The following BANK1 variants were observed in gnomAD, a reference collection of about 807,000 sequenced individuals.
The protein encoded by BANK1 is B cell scaffold protein with ankyrin repeats 1.
In BANK1, 95 loss-of-function variants were observed where a neutral mutation model predicts 94.5. The observed-to-expected ratio is 1.00, with a 90% confidence interval of 0.85 to 1.19. The LOEUF (loss-of-function observed/expected upper bound fraction) is 1.19. Ranked by LOEUF, BANK1 falls within the 50% of genes most tolerant of loss-of-function variation. The pLI, the probability that BANK1 is intolerant of heterozygous loss-of-function variation, is 0.00. For synonymous variants in BANK1, 334 were observed against 308.4 expected (o/e 1.08, Z -0.87); for missense variants, 987 against 932.2 (o/e 1.06, Z -0.77).
At chr4:101,956,975 C>T (rs920973665) in intron 7 of BANK1, among the ~76,000 whole-genome samples, 1 of 152,164 alleles carries the variant, frequency 6.6e-6, no homozygotes, top group South Asian at 2.1e-4. Context: ...GCCTTGCTGC[C>T]GCTCAGTACA....
chr4:101,848,515 C>T (rs1727342468), intron 2 of BANK1, among the ~76,000 whole-genome samples: 1 of 152,146 alleles, frequency 6.6e-6, no homozygotes, highest in Non-Finnish European at 1.5e-5. Context: ...TACACAGTAA[C>T]TTAAGGTTTA....
At chr4:102,044,954 T>G (rs1727829855) in intron 11 of BANK1, among the ~76,000 whole-genome samples, 1 of 143,624 alleles carries the variant, frequency 7.0e-6, no homozygotes, top group Admixed American at 7.1e-5. Flanking sequence ...ATGAGTAGGT[T>G]GCGAAAATTT....
chr4:101,931,039 T>C (rs1489835271), intron 7 of BANK1, among the ~76,000 whole-genome samples: 1 of 151,534 alleles, frequency 6.6e-6, no homozygotes, highest in Admixed American at 6.6e-5. Flanking sequence ...ATTCTAGTTT[T>C]TATAGGTTGA....
intron 2 of BANK1, 28 bp downstream of exon 2, chr4:101,830,234 ATTTTTATTTGTTTTTTTT>A: frequency 7.2e-7 from 1 of 1,397,774 alleles, no homozygotes; most frequent in Non-Finnish European, 9.2e-7. Flanking sequence ...TGTTTGTTTT[ATTTTTATTTGTTTTTTTT>A]TTTTTGTAAT....
chr4:101,966,807 AG>A (rs1167247410), intron 7 of BANK1, among the ~76,000 whole-genome samples: 2 of 152,096 alleles, frequency 1.3e-5, no homozygotes, highest in African/African-American at 4.8e-5. Flanking sequence ...CAGCTCAGGA[AG>A]CAGCATATCT....
chr4:101,925,389 G>A (rs1723122665), intron 7 of BANK1, among the ~76,000 whole-genome samples: 1 of 151,644 alleles, frequency 6.6e-6, no homozygotes, highest in Admixed American at 6.6e-5. Flanking sequence ...GGTATATGAG[G>A]ACAAGTGATG....
At chr4:101,907,156 A>G (rs554022852) in intron 6 of BANK1, among the ~76,000 whole-genome samples, 1 of 152,324 alleles carries the variant, frequency 6.6e-6, no homozygotes, top group East Asian at 1.9e-4. Flanking sequence ...CAGATCACTC[A>G]TGCTATTGTT....
At chr4:101,882,178 T>A (rs1348272543) in intron 5 of BANK1, among the ~76,000 whole-genome samples, 1 of 152,112 alleles carries the variant, frequency 6.6e-6, no homozygotes, top group Non-Finnish European at 1.5e-5. Context: ...AAACATCTCA[T>A]GTCCCCCATA....
At chr4:101,808,979 C>T (rs1725653799) in intron 1 of BANK1, among the ~76,000 whole-genome samples, 1 of 152,148 alleles carries the variant, frequency 6.6e-6, no homozygotes, top group South Asian at 2.1e-4. Context: ...CCATTTGATC[C>T]AGCAATCCCA....
At chr4:101,837,861 C>G (rs1032928638) in intron 2 of BANK1, among the ~76,000 whole-genome samples, 1 of 151,818 alleles carries the variant, frequency 6.6e-6, no homozygotes, top group Non-Finnish European at 1.5e-5. Flanking sequence ...ATTCTGTATA[C>G]GACTCTGGAT....
rs1026412498 is a variant in BANK1 at position 102,073,604 on chromosome 4, ACTTTGTCATATTT to A, written c.2299-73_2299-61del. 2.3e-5 allele frequency: 31 copies of A among 1,319,754 alleles called. No individual in the cohort carries two copies. The African/African-American group carries it at 4.0e-4, about 17-fold the overall frequency. 81.8% of individuals were successfully genotyped at this position (1,319,754 alleles called of 1,614,324 possible). On this transcript the variant is annotated intron_variant, in intron 15 of 16. Coordinates refer to ENST00000322953, the MANE Select transcript of BANK1 (RefSeq NM_017935.5). ...TCCATGGCTGTGAAAGGCAACTATAACTTTGTCATATTTCTTTGTTCAACCTTAAAATAGGGAC... is the reference window on the plus strand; with the variant it reads ...TCCATGGCTGTGAAAGGCAACTATAACTTTGTTCAACCTTAAAATAGGGAC...
intron 7 of BANK1, among the ~76,000 whole-genome samples, chr4:102,018,489 T>C (rs997497913): frequency 1.6e-4 from 25 of 152,218 alleles, no homozygotes; most frequent in African/African-American, 5.1e-4. Flanking sequence ...ATCAGAATAT[T>C]ATGATCAATT....
At chr4:101,871,431 A>G (rs1323888826) in intron 5 of BANK1, among the ~76,000 whole-genome samples, 1 of 151,982 alleles carries the variant, frequency 6.6e-6, no homozygotes, top group Non-Finnish European at 1.5e-5. Flanking sequence ...CAAAACTGTC[A>G]ATGATAATGT....
intron 7 of BANK1, among the ~76,000 whole-genome samples, chr4:101,957,863 G>A (rs907621291): frequency 4.0e-5 from 2 of 49,752 alleles, no homozygotes; most frequent in Non-Finnish European, 7.3e-5. Context: ...TTTTTTTTTT[G>A]AGACGGAGTC....
At chr4:101,917,960 A>C (rs1722879687) in intron 6 of BANK1, 33 bp from the exon 7 acceptor site, 1 of 1,465,062 alleles carries the variant, frequency 6.8e-7, no homozygotes, top group Non-Finnish European at 9.3e-7. Flanking sequence ...ATAAAATGAA[A>C]ACATTAAATC....
intron 7 of BANK1, among the ~76,000 whole-genome samples, chr4:101,950,066 T>TGTGTGTGTGTGC (rs1560648642): frequency 2.5e-5 from 3 of 121,894 alleles, no homozygotes; most frequent in African/African-American, 1.1e-4. Context: ...TGTGTGCGCG[T>TGTGTGTGTGTGC]GCGCGCGCAT....
At chr4:101,923,361 ATATG>A (rs1233169733) in intron 7 of BANK1, among the ~76,000 whole-genome samples, 1 of 151,732 alleles carries the variant, frequency 6.6e-6, no homozygotes, top group African/African-American at 2.4e-5. Context: ...CTATATATAT[ATATG>A]TGTGTGTGTG....
chr4:102,020,524 T>A (rs571531802), intron 7 of BANK1, among the ~76,000 whole-genome samples: 100 of 152,252 alleles, frequency 6.6e-4, no homozygotes, highest in Non-Finnish European at 1.3e-3. Context: ...GACATTAGTG[T>A]TTAAAAAAAA....
intron 2 of BANK1, among the ~76,000 whole-genome samples, chr4:101,851,550 G>T (rs886104433): frequency 1.3e-5 from 2 of 152,142 alleles, no homozygotes; most frequent in African/African-American, 4.8e-5. Flanking sequence ...TAGAAGGAGA[G>T]GGGAAGGATA....
Sources: allele counts gnomAD v4.1 joint callset (sites outside exome capture counted in the v4.1 genomes callset), GRCh38; gene constraint gnomAD v4.1.1; transcripts MANE v1.5; gene names NCBI Gene and HGNC (gene_info 2026-07-23, HGNC 2026-07-21).